The following AP3B2 variants were observed in gnomAD, a reference collection of about 807,000 sequenced individuals.
The protein encoded by AP3B2 is adaptor related protein complex 3 subunit beta 2.
AP3B2 carries 50 observed loss-of-function variants against 126.9 expected under a neutral mutation model. That is an observed-to-expected ratio of 0.39 (90% CI 0.31 to 0.50). AP3B2 has a LOEUF of 0.50. AP3B2 is among the 20% of genes least tolerant of loss of function. AP3B2 has a pLI of 0.79. For missense variants in AP3B2, 1,177 were observed against 1,426.4 expected (o/e 0.83, Z 2.82); for synonymous variants, 541 against 565.0 (o/e 0.96, Z 0.60).
intron 11 of AP3B2, 104 bp downstream of exon 11, chr15:82,678,001 T>G: frequency 7.0e-7 from 1 of 1,423,954 alleles, no homozygotes; most frequent in African/African-American, 1.4e-5. Context: ...TGTAAGATAA[T>G]AGTTTCTCCA....
At chr15:82,705,422 C>T (rs532699759) in intron 1 of AP3B2, among the ~76,000 whole-genome samples, 16 of 152,162 alleles carry the variant, frequency 1.1e-4, no homozygotes, top group Non-Finnish European at 2.2e-4. Flanking sequence ...CTATCCACCC[C>T]GTGGTGCCAA....
intron 25 of AP3B2, among the ~76,000 whole-genome samples, chr15:82,661,329 T>C (rs1194860872): frequency 6.6e-6 from 1 of 152,198 alleles, no homozygotes. Context: ...AAAATCAGCT[T>C]ATCCAAAACT....
chr15:82,685,300 G>C (rs1324652981), intron 4 of AP3B2: 3 of 152,140 alleles, frequency 2.0e-5, no homozygotes, highest in African/African-American at 7.2e-5. Context: ...TTGATGTAGG[G>C]TTGCCACAAA....
chr15:82,678,276 C>T, intron 10 of AP3B2, 109 bp from the exon 11 acceptor site: 1 of 1,032,206 alleles, frequency 9.7e-7, no homozygotes, highest in Non-Finnish European at 1.5e-6. Flanking sequence ...CATGACAGCC[C>T]TGCATCATCC....
In AP3B2 at chr15:82,677,320, T is replaced by C; in HGVS notation, c.1442A>G (p.His481Arg). Reference protein sequence around the residue: ...KKLLQMQPAQHGEIIKHLAKL... With the variant: ...KKLLQMQPAQRGEIIKHLAKL... The stretch of plus-strand genomic sequence containing the variant: ...TGCCAAGTGTTTGATGATCTCTCCA[T>C]GTTGTGCTGGCTGCATCTGTAGCAA... The change falls in exon 13 of 27, where the codon CAT becomes CGT. Residue 481 changes from histidine (H) to arginine (R), a missense_variant. Physicochemically the swap from His to Arg is conservative, Grantham distance 29. This residue lies in a region of AP3B2 where 308 missense variants were observed against 452.4 expected (regional missense o/e 0.68). Transcript: ENST00000535359. The C allele has an allele frequency of 6.2e-7, 1 of 1,613,982 alleles. No homozygotes were observed. Among genetic ancestry groups the C allele is most frequent in the Non-Finnish European group, 8.5e-7 (1 of 1,179,884 alleles).
chr15:82,702,882 A>G (rs2048741263), intron 1 of AP3B2, among the ~76,000 whole-genome samples: 1 of 152,176 alleles, frequency 6.6e-6, no homozygotes, highest in East Asian at 1.9e-4. Context: ...TCGGGTCCTC[A>G]GACCAACCAG....
chr15:82,665,185 A>G lies in AP3B2; in HGVS notation c.2028+62T>C. The G allele has an allele frequency of 1.3e-6, 2 of 1,500,766 alleles. No homozygotes were observed. The highest frequency in any genetic ancestry group is 1.2e-5 in the South Asian group (1 of 82,980). 93.0% of individuals were successfully genotyped at this position (1,500,766 alleles called of 1,614,324 possible). On this transcript the variant is annotated intron_variant, in intron 17 of 26. Transcript: ENST00000535359. The surrounding 1 kb of genome is among the most constrained non-coding windows in gnomAD (Gnocchi z 4.4). ...GGGAAGGCCCAGGAGCACAACACAC[A>G]GGGGAAGAAGAGGGACACAGACAGG...
At chr15:82,698,918 CGAATATGCACTGACACA>C (rs962514832) in intron 1 of AP3B2, among the ~76,000 whole-genome samples, 13 of 152,226 alleles carry the variant, frequency 8.5e-5, no homozygotes, top group South Asian at 8.3e-4. Context: ...GATTGACTGT[CGAATATGCACTGACACA>C]GAATATGCAC....
intron 1 of AP3B2, among the ~76,000 whole-genome samples, chr15:82,708,149 C>T (rs1468724517): frequency 6.6e-6 from 1 of 152,184 alleles, no homozygotes; most frequent in Non-Finnish European, 1.5e-5. Flanking sequence ...ATGACATTAT[C>T]TTGTGAAATT....
Position 82,679,738 on chromosome 15 carries a change from C to T in AP3B2, c.1173G>A (p.Lys391=). The T allele has an allele frequency of 1.9e-6, 3 of 1,613,758 alleles. No individual in the cohort carries two copies. The highest frequency in any genetic ancestry group is 2.5e-6 in the Non-Finnish European group (3 of 1,179,712). ...YIRSTDPTQI[K]ILKLEVLTNL... ...TCTGTCCCTCACTCACCTTCAGGAT[C>T]TTAATCTGGGTGGGGTCGGTGGACC... The change falls in exon 10 of 27, where the codon AAG becomes AAA. Residue 391 remains lysine (K), a synonymous_variant. Coordinates refer to ENST00000535359, the MANE Select transcript of AP3B2 (RefSeq NM_001278512.2).
In AP3B2 at chr15:82,665,605, A is replaced by G. The variant is rs1470371816; in HGVS notation, c.1853-30T>C. On this transcript the variant is annotated intron_variant, in intron 15 of 26. Transcript: ENST00000535359. The surrounding 1 kb of genome is among the most constrained non-coding windows in gnomAD (Gnocchi z 4.4). ...GGATAGGTTTAGAGGTCAGGCAGGT[A>G]GCAGCAGTGAGGGAAAGCTCTGGGA... The G allele has an allele frequency of 6.4e-7, 1 of 1,550,988 alleles. No homozygotes were observed. The highest frequency in any genetic ancestry group is 1.7e-5 in the Admixed American group (1 of 59,266).
chr15:82,674,884 A>C (rs1185136372), intron 14 of AP3B2, among the ~76,000 whole-genome samples: 1 of 151,360 alleles, frequency 6.6e-6, no homozygotes, highest in Non-Finnish European at 1.5e-5. Flanking sequence ...TGTAGCTCAC[A>C]GTGACAACTT....
At position 82,680,306 on chromosome 15, in the gene AP3B2, G is replaced by A; in HGVS notation, c.1056-77C>T. The A allele has an allele frequency of 1.3e-6, 2 of 1,596,372 alleles. No homozygotes were observed. The highest frequency in any genetic ancestry group is 1.7e-5 in the Admixed American group (1 of 58,412). ...TCAGCGGATGAGGGGAAAAGGTGGG[G>A]CAAGTCGTTGCGGGGAGAGGACCAG... On this transcript the variant is annotated intron_variant, in intron 8 of 26. Transcript: ENST00000535359. This position sits in a 1 kb window ranked among gnomAD's most constrained non-coding sequence, Gnocchi z 6.1.
In AP3B2 at chr15:82,681,162, T is replaced by C. The variant is rs2048334044; in HGVS notation, c.538A>G (p.Lys180Glu). 6.2e-7 allele frequency: 1 copy of C among 1,612,260 alleles called. No individual in the cohort carries two copies. The highest frequency in any genetic ancestry group is 8.5e-7 in the Non-Finnish European group (1 of 1,179,242). The change falls in exon 6 of 27, where the codon AAG becomes GAG. Residue 180 changes from lysine (K) to glutamate (E), a missense_variant. Lys to Glu is a moderately conservative substitution (Grantham distance 56, BLOSUM62 1). Around this residue, in one of 5 missense-constraint regions of AP3B2, gnomAD observed 130 missense variants for 262.0 expected, o/e 0.50. Transcript: ENST00000535359. The surrounding 1 kb of genome is among the most constrained non-coding windows in gnomAD (Gnocchi z 4.0). ...TCAATGACTTCTATCAGCTGATCCT[T>C]CTGGTCAGAGTCCAAACTGAGGGAG... ...PKLYSLDSDQ[K>E]DQLIEVIEKL...
chr15:82,659,522 G>T lies in AP3B2; in HGVS notation c.*38C>A. 6.2e-7 allele frequency: 1 copy of T among 1,609,164 alleles called. No homozygotes were observed. The highest frequency in any genetic ancestry group is 8.5e-7 in the Non-Finnish European group (1 of 1,176,980). On this transcript the variant is annotated 3_prime_UTR_variant, in exon 27 of 27. Transcript: ENST00000535359. ...CTGACAGCCTAGGTGTCATGGGGAG[G>T]TATAGATGGGAGCCAAACAGGTCAC...
chr15:82,685,025 T>G (rs757658000), intron 4 of AP3B2: 5 of 152,160 alleles, frequency 3.3e-5, no homozygotes, highest in Non-Finnish European at 7.3e-5. Context: ...TCAATATTGT[T>G]GTGTCTCAGG....
chr15:82,691,951 AC>A, intron 1 of AP3B2: 4 of 1,398,490 alleles, frequency 2.9e-6, no homozygotes, highest in Non-Finnish European at 4.0e-6. Flanking sequence ...CCATCCCCAC[AC>A]CGTCCTTCTG....
In AP3B2 at chr15:82,676,442, G is replaced by A. The variant is rs776412279; in HGVS notation, c.1665+19C>T. On this transcript the variant is annotated intron_variant, in intron 14 of 26. Transcript: ENST00000535359. ...TTCTGGGGACCAGAGTATCTGGGGG[G>A]TCATCTCTTAATCTTTACCTGTTTA... is the stretch of plus-strand genomic sequence containing the variant. 7.4e-6 allele frequency: 12 copies of A among 1,611,720 alleles called. No individual in the cohort carries two copies. In the South Asian group the frequency reaches 1.3e-4, roughly 18 times the overall value.
chr15:82,699,311 T>C (rs569340356), intron 1 of AP3B2: 2 of 204,244 alleles, frequency 9.8e-6, no homozygotes, highest in Middle Eastern at 1.7e-3. Flanking sequence ...CTGTATCCTG[T>C]CCCCAAACCT....
Sources: allele counts gnomAD v4.1 joint callset (sites outside exome capture counted in the v4.1 genomes callset), GRCh38; gene constraint gnomAD v4.1.1; regional missense constraint gnomAD v4.1.1; non-coding constraint Gnocchi (gnomAD v3.1); transcripts MANE v1.5; gene names NCBI Gene and HGNC (gene_info 2026-07-23, HGNC 2026-07-21).